The following OTOL1 variants were observed in gnomAD, a reference collection of about 807,000 sequenced individuals.
OTOL1 encodes the protein otolin 1, also known as otolin-1.
OTOL1 carries 31 observed loss-of-function variants against 25.0 expected under a neutral mutation model. The ratio of observed to expected loss-of-function variants is 1.24; its 90% CI spans 0.93 to 1.67. The LOEUF (loss-of-function observed/expected upper bound fraction) is 1.67. Ranked by LOEUF, OTOL1 falls within the 40% of genes most tolerant of loss-of-function variation. OTOL1 has a pLI of 0.00. For missense variants in OTOL1, 654 were observed against 587.7 expected (o/e 1.11, Z -1.17); for synonymous variants, 225 against 210.3 (o/e 1.07, Z -0.61).
chr3:161,502,973 T>G, intron 3 of OTOL1, 53 bp from the exon 4 acceptor site: 1 of 1,236,450 alleles, frequency 8.1e-7, no homozygotes, highest in Non-Finnish European at 1.0e-6. Context: ...GGTAATAGCA[T>G]GCTGTTTATG....
rs1413081747 is a variant in OTOL1, at chr3:161,497,063, C to G, written c.256C>G (p.Pro86Ala). The part of the protein sequence containing the change: ...DSVFGTATLS[P>A]FENFTLDPAD... ...TGTCTTTGGCACTGCCACTCTCTCT[C>G]CCTTTGAAAACTTCACTCTTGACCC... The change falls in exon 1 of 4, where the codon CCC (proline) becomes GCC (alanine). Residue 86 changes from proline (P) to alanine (A), a missense_variant. Transcript: ENST00000327928. 1.2e-6 allele frequency: 2 copies of G among 1,613,632 alleles called. No homozygotes were observed. The highest frequency in any genetic ancestry group is 8.5e-7 in the Non-Finnish European group (1 of 1,179,698).
At chr3:161,499,553 AT>A (rs1718920826) in intron 2 of OTOL1, among the ~76,000 whole-genome samples, 1 of 152,136 alleles carries the variant, frequency 6.6e-6, no homozygotes, top group African/African-American at 2.4e-5. Context: ...GCCACAGAGT[AT>A]AGTCTCTGGG....
chr3:161,499,319 C>G (rs1718915653), intron 2 of OTOL1, 59 bp downstream of exon 2: 1 of 1,289,086 alleles, frequency 7.8e-7, no homozygotes, highest in South Asian at 1.4e-5. Flanking sequence ...TTCAGGAGAG[C>G]AATTTGCTAC....
Position 161,499,154 on chromosome 3 carries a change from T to TA in OTOL1, c.365-13dup. 6.3e-7 allele frequency: 1 copy of TA among 1,582,684 alleles called. No homozygotes were observed. The highest frequency in any genetic ancestry group is 8.6e-7 in the Non-Finnish European group (1 of 1,159,462). Reference sequence around the variant, plus strand: ...GAGAAATTTTATATTCTGATGTATTTAAAATCCCATTTCTAGGTCCTAAAG... The same window carrying TA: ...GAGAAATTTTATATTCTGATGTATTTAAAAATCCCATTTCTAGGTCCTAAAG... On this transcript the variant is annotated splice_polypyrimidine_tract_variant and intron_variant, in intron 1 of 3. Coordinates refer to ENST00000327928, the MANE Select transcript of OTOL1 (RefSeq NM_001080440.1).
chr3:161,503,390 A>T lies in OTOL1; in HGVS notation c.882A>T (p.Glu294Asp). The T allele has an allele frequency of 6.2e-7, 1 of 1,609,626 alleles. No homozygotes were observed. The highest frequency in any genetic ancestry group is 8.5e-7 in the Non-Finnish European group (1 of 1,177,802). Residue 294 changes from glutamate to aspartate, a missense_variant, in exon 4 of 4, where the codon GAA becomes GAT. Transcript: ENST00000327928. ...GAKGDPGIKG[E>D]KGELGPPGLL... ...AAGGTGATCCAGGGATTAAAGGAGA[A>T]AAAGGAGAGTTAGGTCCTCCTGGTC... is the stretch of plus-strand genomic sequence containing the variant.
rs1453721439 is a variant in OTOL1 at position 161,503,022 on chromosome 3, T to G, written c.518-4T>G. The G allele has an allele frequency of 1.5e-6, 2 of 1,323,708 alleles. No individual in the cohort carries two copies. Among genetic ancestry groups the G allele is most frequent in the Non-Finnish European group, 1.9e-6 (2 of 1,030,778 alleles). 82.0% of individuals were successfully genotyped at this position (1,323,708 alleles called of 1,614,324 possible). On this transcript the variant is annotated splice_region_variant and splice_polypyrimidine_tract_variant and intron_variant, in intron 3 of 3. Transcript: ENST00000327928. ...TTAAACATTATTTTAATTTTCCATTTCAGGTGAACCTGGCCCTAAGGGAGA... is the reference window on the plus strand; with the variant it reads ...TTAAACATTATTTTAATTTTCCATTGCAGGTGAACCTGGCCCTAAGGGAGA...
Position 161,496,968 on chromosome 3 carries a change from A to G in OTOL1, c.161A>G (p.Glu54Gly). ...LKPSSGPPPE[E>G]EETLFTEMAE... ...CCATCCAGTGGCCCACCTCCAGAAG[A>G]AGAAGAAACCCTCTTCACAGAAATG... is the stretch of plus-strand genomic sequence containing the variant. Residue 54 changes from glutamate (E) to glycine (G), a missense_variant, in exon 1 of 4, where the codon GAA becomes GGA. Physicochemically the swap from Glu to Gly is moderately conservative, Grantham distance 98. Transcript: ENST00000327928. The G allele has an allele frequency of 1.2e-6, 2 of 1,613,632 alleles. No homozygotes were observed. Among genetic ancestry groups the G allele is most frequent in the South Asian group, 2.2e-5 (2 of 91,078 alleles).
At chr3:161,502,049 G>A (rs1258581572) in intron 2 of OTOL1, among the ~76,000 whole-genome samples, 1 of 152,108 alleles carries the variant, frequency 6.6e-6, no homozygotes, top group Non-Finnish European at 1.5e-5. Context: ...TGTATTTTTT[G>A]TAGAGATGGG....
chr3:161,502,259 A>G, intron 2 of OTOL1, 48 bp from the exon 3 acceptor site: 2 of 1,466,512 alleles, frequency 1.4e-6, no homozygotes, highest in Non-Finnish European at 1.9e-6. Context: ...TATTAAATAT[A>G]TCATAAATGA....
rs1040953107 is a variant in OTOL1, at chr3:161,503,188, G to C, written c.680G>C (p.Gly227Ala). ...PGLHGGPGAK[G>A]EKGEMGEKGE... ...CTGCACGGAGGGCCTGGCGCCAAGG[G>C]AGAGAAGGGGGAGATGGGGGAGAAG... The change falls in exon 4 of 4, where the codon GGA becomes GCA. Residue 227 changes from glycine (G) to alanine (A), a missense_variant. Coordinates refer to ENST00000327928, the MANE Select transcript of OTOL1 (RefSeq NM_001080440.1). 2.1e-5 allele frequency: 29 copies of C among 1,363,516 alleles called. No individual in the cohort carries two copies. The highest frequency in any genetic ancestry group is 2.7e-5 in the Non-Finnish European group (28 of 1,049,706). The allele number at this position is 1,363,516 out of a possible 1,614,324, so 84.5% of individuals were successfully genotyped here. A position where few individuals can be genotyped will look rare whatever the true frequency, so the allele number is the denominator to read the frequency against.
intron 1 of OTOL1, among the ~76,000 whole-genome samples, chr3:161,498,145 G>T (rs1430825999): frequency 6.6e-6 from 1 of 152,070 alleles, no homozygotes; most frequent in Non-Finnish European, 1.5e-5. Context: ...ATGAGACTGA[G>T]AAAATTATAT....
intron 1 of OTOL1, among the ~76,000 whole-genome samples, chr3:161,498,787 ATGAG>A (rs1452626628): frequency 1.3e-5 from 2 of 152,168 alleles, no homozygotes; most frequent in African/African-American, 4.8e-5. Flanking sequence ...TAATGAATGA[ATGAG>A]TAAGTGAATA....
At chr3:161,499,300 G>T (rs887932571) in intron 2 of OTOL1, 40 bp downstream of exon 2, 2 of 1,478,422 alleles carry the variant, frequency 1.4e-6, no homozygotes, top group Non-Finnish European at 9.2e-7. Flanking sequence ...GGGACATTCT[G>T]CATCATTTTT....
chr3:161,499,183 AG>A lies in OTOL1; in HGVS notation c.379del (p.Ala127LeufsTer63). On this transcript the variant is annotated frameshift_variant, in exon 2 of 4. Coordinates refer to ENST00000327928, the MANE Select transcript of OTOL1 (RefSeq NM_001080440.1). LOFTEE classifies it high-confidence loss of function. ...ATCCCATTTCTAGGTCCTAAAGGAG[AG>A]GCTGGAAATTTGGGGATCCCAGGGC... ...GETGQPGPKG[E>X]AGNLGIPGPP... 6.2e-7 allele frequency: 1 copy of A among 1,609,742 alleles called. No individual in the cohort carries two copies. Among genetic ancestry groups the A allele is most frequent in the Non-Finnish European group, 8.5e-7 (1 of 1,177,956 alleles).
chr3:161,501,442 T>C (rs1417486262), intron 2 of OTOL1, among the ~76,000 whole-genome samples: 1 of 152,158 alleles, frequency 6.6e-6, no homozygotes, highest in Non-Finnish European at 1.5e-5. Flanking sequence ...AAAATATATT[T>C]TATGGTAATA....
chr3:161,497,205 T>A (rs1188586945), intron 1 of OTOL1, 34 bp downstream of exon 1: 2 of 1,574,722 alleles, frequency 1.3e-6, no homozygotes, highest in Non-Finnish European at 1.7e-6. Flanking sequence ...TGTTTCTCAC[T>A]TGTACATTGG....
Position 161,496,998 on chromosome 3 carries a change from A to C in OTOL1, c.191A>C (p.Glu64Ala). The C allele has an allele frequency of 6.2e-7, 1 of 1,613,682 alleles. No homozygotes were observed. ...EEETLFTEMA[E>A]MAEPITKPSA... The stretch of plus-strand genomic sequence containing the variant: ...GAAACCCTCTTCACAGAAATGGCTG[A>C]AATGGCAGAACCAATTACCAAACCC... The change falls in exon 1 of 4, where the codon GAA (glutamate) becomes GCA (alanine). Residue 64 changes from glutamate to alanine, a missense_variant. Glu to Ala is a moderately radical substitution (Grantham distance 107). Coordinates refer to ENST00000327928, the MANE Select transcript of OTOL1 (RefSeq NM_001080440.1).
intron 1 of OTOL1, among the ~76,000 whole-genome samples, chr3:161,498,403 C>T (rs1035903383): frequency 6.6e-6 from 1 of 152,096 alleles, no homozygotes; most frequent in African/African-American, 2.4e-5. Context: ...CTGGGGAGCT[C>T]ATATGTCTTA....
intron 3 of OTOL1, 36 bp downstream of exon 3, chr3:161,502,405 G>A (rs1459614316): frequency 2.6e-6 from 4 of 1,554,240 alleles, no homozygotes; most frequent in Non-Finnish European, 3.5e-6. Context: ...GTACAGTCAG[G>A]TGCGCAGTAT....
Sources: allele counts gnomAD v4.1 joint callset (sites outside exome capture counted in the v4.1 genomes callset), GRCh38; gene constraint gnomAD v4.1.1; transcripts MANE v1.5; gene names NCBI Gene and HGNC (gene_info 2026-07-23, HGNC 2026-07-21).